Variants in MECOM observed in about 807,000 individuals in gnomAD.
The protein encoded by MECOM is MDS1 and EVI1 complex locus.
Under a neutral mutation model 116.3 loss-of-function variants are expected in MECOM, and 13 were observed. That is an observed-to-expected ratio of 0.11 (90% confidence interval 0.07 to 0.18). The LOEUF is 0.18. MECOM is among the 10% of genes least tolerant of loss of function. MECOM has a pLI of 1.00. For missense variants in MECOM, 1,299 were observed against 1,509.0 expected, an observed-to-expected ratio of 0.86 and a Z score of 2.31; for synonymous variants, 528 against 535.2, an observed-to-expected ratio of 0.99 and a Z score of 0.19.
chr3:169,440,990 A>C (rs1743558890), intron 1 of MECOM, among the ~76,000 whole-genome samples: 1 of 152,212 alleles, frequency 6.6e-6, no homozygotes, highest in East Asian at 1.9e-4. Context: ...ACAATACCTT[A>C]GGTGCACAAT....
intron 2 of MECOM, among the ~76,000 whole-genome samples, chr3:169,329,476 T>C (rs1396472880): frequency 1.3e-5 from 2 of 152,204 alleles, no homozygotes; most frequent in Non-Finnish European, 2.9e-5. Context: ...TGTTTGTCTG[T>C]GTGCAAAAGT....
chr3:169,561,610 C>T (rs1206072023), intron 1 of MECOM, among the ~76,000 whole-genome samples: 4 of 152,032 alleles, frequency 2.6e-5, no homozygotes, highest in Non-Finnish European at 4.4e-5. Context: ...ACCAAATTCA[C>T]GATAATGACA....
At chr3:169,360,182 A>G (rs1458805828) in intron 2 of MECOM, among the ~76,000 whole-genome samples, 1 of 151,090 alleles carries the variant, frequency 6.6e-6, no homozygotes, top group Non-Finnish European at 1.5e-5. Flanking sequence ...TTTGCCCTCC[A>G]TTTCCAGTAG....
At chr3:169,607,234 G>A (rs780187286) in intron 1 of MECOM, among the ~76,000 whole-genome samples, 2 of 152,170 alleles carry the variant, frequency 1.3e-5, no homozygotes, top group African/African-American at 2.4e-5. Flanking sequence ...TTTTTGTCTC[G>A]ATATCCATCT....
At chr3:169,271,204 C>A (rs1217868258) in intron 2 of MECOM, among the ~76,000 whole-genome samples, 1 of 152,130 alleles carries the variant, frequency 6.6e-6, no homozygotes, top group Non-Finnish European at 1.5e-5. Flanking sequence ...TCTTGGGAAC[C>A]ACTCCCTCTA....
intron 2 of MECOM, among the ~76,000 whole-genome samples, chr3:169,198,906 T>C (rs1008022461): frequency 2.0e-5 from 3 of 151,520 alleles, no homozygotes; most frequent in African/African-American, 7.3e-5. Context: ...AAATCCTTCC[T>C]GTGGAAAAAA....
At chr3:169,584,377 A>G (rs1226097632) in intron 1 of MECOM, among the ~76,000 whole-genome samples, 3 of 151,426 alleles carry the variant, frequency 2.0e-5, no homozygotes, top group Admixed American at 6.6e-5. Context: ...CATCTTGGCT[A>G]ACACGGTGAA....
intron 1 of MECOM, among the ~76,000 whole-genome samples, chr3:169,453,066 T>C (rs1745871445): frequency 6.6e-6 from 1 of 152,216 alleles, no homozygotes; most frequent in African/African-American, 2.4e-5. Flanking sequence ...AGATGTAAAC[T>C]GCTAAGTTAC....
chr3:169,648,289 T>C (rs1774431652), intron 1 of MECOM, among the ~76,000 whole-genome samples: 1 of 152,194 alleles, frequency 6.6e-6, no homozygotes, highest in African/African-American at 2.4e-5. Context: ...GATATTACCA[T>C]AACTTGAGGG....
chr3:169,350,903 T>A (rs1726212768), intron 2 of MECOM, among the ~76,000 whole-genome samples: 1 of 151,706 alleles, frequency 6.6e-6, no homozygotes, highest in Non-Finnish European at 1.5e-5. Flanking sequence ...AATATCCAGG[T>A]CAAAGCCATC....
intron 2 of MECOM, among the ~76,000 whole-genome samples, chr3:169,353,693 C>T (rs963923700): frequency 6.6e-6 from 1 of 151,810 alleles, no homozygotes. Flanking sequence ...ATCTTCTAAT[C>T]ATGAAGATAA....
intron 1 of MECOM, among the ~76,000 whole-genome samples, chr3:169,465,752 A>G (rs1748205050): frequency 1.3e-5 from 2 of 152,216 alleles, no homozygotes; most frequent in Admixed American, 6.5e-5. Context: ...TTTTATTTCT[A>G]GAAAATTCAA....
intron 2 of MECOM, among the ~76,000 whole-genome samples, chr3:169,312,013 A>G (rs746602664): frequency 6.6e-6 from 1 of 152,228 alleles, no homozygotes; most frequent in Non-Finnish European, 1.5e-5. Flanking sequence ...AGATGAGGTC[A>G]GAGAGGAGCT....
At chr3:169,094,060 GA>G (rs1290411034) in intron 13 of MECOM, among the ~76,000 whole-genome samples, 1 of 152,240 alleles carries the variant, frequency 6.6e-6, no homozygotes, top group East Asian at 1.9e-4. Flanking sequence ...TTGCACATTG[GA>G]TTATACTTCT....
At chr3:169,181,914 G>A (rs1329806461) in intron 2 of MECOM, among the ~76,000 whole-genome samples, 2 of 152,126 alleles carry the variant, frequency 1.3e-5, no homozygotes, top group African/African-American at 2.4e-5. Flanking sequence ...GGCTAATAAT[G>A]TCTTTTTTGC....
chr3:169,502,218 G>T (rs1754627643), intron 1 of MECOM, among the ~76,000 whole-genome samples: 2 of 152,054 alleles, frequency 1.3e-5, no homozygotes, highest in South Asian at 4.1e-4. Flanking sequence ...TTACAAGCTG[G>T]CAGCCTTGCC....
chr3:169,363,766 C>T (rs1728710588), intron 2 of MECOM, among the ~76,000 whole-genome samples: 1 of 151,940 alleles, frequency 6.6e-6, no homozygotes, highest in East Asian at 1.9e-4. Context: ...CGAGACTGAA[C>T]ACGCAGTATA....
intron 1 of MECOM, among the ~76,000 whole-genome samples, chr3:169,443,138 A>G (rs893244171): frequency 7.2e-5 from 11 of 152,210 alleles, no homozygotes; most frequent in African/African-American, 2.7e-4. Context: ...CTCTCCTTCC[A>G]ATCTGCTTTG....
intron 1 of MECOM, among the ~76,000 whole-genome samples, chr3:169,504,583 C>T (rs1230328187): frequency 6.6e-6 from 1 of 152,104 alleles, no homozygotes; most frequent in Non-Finnish European, 1.5e-5. Flanking sequence ...CACTCAAAAA[C>T]TCAAATTCCT....
Sources: gnomAD v4.1 joint callset for allele counts (sites outside exome capture counted in the v4.1 genomes callset) on GRCh38, gnomAD v4.1.1 for gene constraint, MANE v1.5 for transcripts, NCBI Gene and HGNC (gene_info 2026-07-23, HGNC 2026-07-21) for gene names.